The following CNTN4 variants were observed in gnomAD, a reference collection of about 807,000 sequenced individuals.
CNTN4 encodes contactin-4.
Under a neutral mutation model 122.5 loss-of-function variants are expected in CNTN4, and 77 were observed. The observed-to-expected ratio is 0.63, with a 90% CI of 0.52 to 0.76. The LOEUF is 0.76. Among genes scored for constraint, CNTN4 ranks in the 30% least tolerant of loss-of-function variants. CNTN4 has a pLI of 0.00. For missense variants in CNTN4, 1,256 were observed against 1,259.1 expected (o/e 1.00, Z 0.04); for synonymous variants, 512 against 447.0 (o/e 1.15, Z -1.83).
At chr3:2,176,571 T>C (rs1252292574) in intron 2 of CNTN4, among the ~76,000 whole-genome samples, 1 of 152,144 alleles carries the variant, frequency 6.6e-6, no homozygotes, top group Non-Finnish European at 1.5e-5. Flanking sequence ...GTTCTAGTGG[T>C]ATGCACATAT....
At chr3:2,268,912 T>C (rs887500684) in intron 2 of CNTN4, among the ~76,000 whole-genome samples, 5 of 152,060 alleles carry the variant, frequency 3.3e-5, no homozygotes, top group South Asian at 2.1e-4. Context: ...TTTTTATATA[T>C]GTGGGGAGAA....
At chr3:2,510,229 C>T (rs2076844749) in intron 3 of CNTN4, among the ~76,000 whole-genome samples, 1 of 152,152 alleles carries the variant, frequency 6.6e-6, no homozygotes, top group South Asian at 2.1e-4. Context: ...AAGCACCTTT[C>T]TAGTGAAGGT....
chr3:2,697,772 A>G (rs933042301), intron 4 of CNTN4, among the ~76,000 whole-genome samples: 1 of 152,192 alleles, frequency 6.6e-6, no homozygotes, highest in African/African-American at 2.4e-5. Flanking sequence ...AGGGCTGTCA[A>G]GTCTGAATTG....
At chr3:2,642,983 T>A (rs1478619247) in intron 4 of CNTN4, among the ~76,000 whole-genome samples, 1 of 152,190 alleles carries the variant, frequency 6.6e-6, no homozygotes, top group Non-Finnish European at 1.5e-5. Flanking sequence ...TAATAAAATA[T>A]ACCTCATAGG....
chr3:2,338,883 A>G (rs2044068297), intron 2 of CNTN4, among the ~76,000 whole-genome samples: 1 of 152,140 alleles, frequency 6.6e-6, no homozygotes, highest in Admixed American at 6.6e-5. Flanking sequence ...GAATGCCATA[A>G]AATATTGCAG....
intron 3 of CNTN4, among the ~76,000 whole-genome samples, chr3:2,439,069 G>T (rs1032704551): frequency 2.0e-5 from 3 of 152,164 alleles, no homozygotes; most frequent in Non-Finnish European, 4.4e-5. Context: ...TGTTAAAATT[G>T]GAGATCCTTA....
chr3:2,452,880 C>A (rs990203), intron 3 of CNTN4, among the ~76,000 whole-genome samples: 3 of 151,750 alleles, frequency 2.0e-5, no homozygotes, highest in African/African-American at 7.3e-5. Context: ...GAAGCCTAGA[C>A]CCCTCTTCTC....
At chr3:2,602,748 C>T (rs9870780) in intron 4 of CNTN4, among the ~76,000 whole-genome samples, 1 of 152,106 alleles carries the variant, frequency 6.6e-6, no homozygotes, top group Non-Finnish European at 1.5e-5. Context: ...CTTCAGTTCA[C>T]CCAAGGATTA....
At chr3:2,784,371 C>T (rs376292939) in intron 6 of CNTN4, among the ~76,000 whole-genome samples, 6 of 152,258 alleles carry the variant, frequency 3.9e-5, no homozygotes, top group Non-Finnish European at 5.9e-5. Flanking sequence ...TTGTTTATTG[C>T]GCACCTCCAC....
At chr3:2,177,332 A>G (rs77847048) in intron 2 of CNTN4, among the ~76,000 whole-genome samples, 2,126 of 152,214 alleles carry the variant, frequency 0.014, 23 homozygotes, top group Non-Finnish European at 0.024. Flanking sequence ...AAATATTGTT[A>G]ATAACATTCT....
chr3:2,921,200 G>A (rs927358032), intron 12 of CNTN4, among the ~76,000 whole-genome samples: 1 of 152,096 alleles, frequency 6.6e-6, no homozygotes, highest in African/African-American at 2.4e-5. Flanking sequence ...ACTACACCTG[G>A]CTAATGTTTT....
At chr3:2,809,932 TA>T (rs1272303340) in intron 6 of CNTN4, among the ~76,000 whole-genome samples, 1 of 152,004 alleles carries the variant, frequency 6.6e-6, no homozygotes, top group Non-Finnish European at 1.5e-5. Context: ...AAATGAGAAA[TA>T]AAAATAGCCA....
intron 4 of CNTN4, among the ~76,000 whole-genome samples, chr3:2,679,805 C>T (rs760332261): frequency 2.6e-5 from 4 of 152,192 alleles, no homozygotes; most frequent in Non-Finnish European, 4.4e-5. Flanking sequence ...CTTTCCTTGA[C>T]ATCATTCATT....
chr3:2,396,770 G>T (rs1253382705), intron 3 of CNTN4, among the ~76,000 whole-genome samples: 1 of 151,462 alleles, frequency 6.6e-6, no homozygotes, highest in Admixed American at 6.6e-5. Flanking sequence ...CTGTAATTTG[G>T]TTCCATGAAT....
At chr3:2,300,560 CTTTTTTTTTTT>C (rs575192976) in intron 2 of CNTN4, among the ~76,000 whole-genome samples, 50 of 62,020 alleles carry the variant, frequency 8.1e-4, no homozygotes, top group African/African-American at 2.2e-3. Flanking sequence ...CAGTGACCGT[CTTTTTTTTTTT>C]TTTTTTTTTT....
At chr3:2,903,169 T>A (rs1250674249) in intron 12 of CNTN4, among the ~76,000 whole-genome samples, 164 bp downstream of exon 12, 1 of 152,168 alleles carries the variant, frequency 6.6e-6, no homozygotes, top group Non-Finnish European at 1.5e-5. Context: ...CTATAAACAA[T>A]AACAAGAGAA....
intron 2 of CNTN4, among the ~76,000 whole-genome samples, chr3:2,198,341 T>G (rs977818466): frequency 2.5e-4 from 38 of 152,204 alleles, no homozygotes; most frequent in African/African-American, 8.4e-4. Flanking sequence ...TGAACAGAAT[T>G]ACACATAGAA....
At chr3:2,798,496 T>A (rs929358228) in intron 6 of CNTN4, among the ~76,000 whole-genome samples, 23 of 152,066 alleles carry the variant, frequency 1.5e-4, no homozygotes, top group African/African-American at 5.6e-4. Context: ...GCTATAAATA[T>A]GTGAATGCAG....
intron 6 of CNTN4, among the ~76,000 whole-genome samples, chr3:2,807,783 A>C (rs977461684): frequency 6.6e-6 from 1 of 152,218 alleles, no homozygotes; most frequent in Non-Finnish European, 1.5e-5. Flanking sequence ...AGAGTCTTCT[A>C]TTAGCTTTGA....
Sources: allele counts gnomAD v4.1 joint callset (sites outside exome capture counted in the v4.1 genomes callset), GRCh38; gene constraint gnomAD v4.1.1; transcripts MANE v1.5; gene names NCBI Gene and HGNC (gene_info 2026-07-23, HGNC 2026-07-21).